The following KCNT2 variants were observed in gnomAD, a reference collection of about 807,000 sequenced individuals.
KCNT2 encodes potassium channel subfamily T member 2.
A neutral mutation model predicts 153.8 loss-of-function variants in KCNT2; 67 were observed. The ratio of observed to expected loss-of-function variants is 0.44; its 90% confidence interval spans 0.36 to 0.53. The LOEUF is 0.53. Among genes scored for constraint, KCNT2 ranks in the 20% least tolerant of loss-of-function variants. The probability of loss-of-function intolerance (pLI) is 0.00; values close to 1 mark genes in which losing one functional copy is unlikely to be tolerated. For synonymous variants in KCNT2, 500 were observed against 458.8 expected (o/e 1.09, Z -1.15); for missense variants, 975 against 1,354.8 (o/e 0.72, Z 4.40).
At chr1:196,310,495 G>T (rs1303240009) in intron 21 of KCNT2, among the ~76,000 whole-genome samples, 2 of 151,628 alleles carry the variant, frequency 1.3e-5, no homozygotes, top group South Asian at 2.1e-4. Flanking sequence ...CATTAAAAGT[G>T]GTTTTCACTA....
chr1:196,329,765 G>A (rs140575396), intron 18 of KCNT2, among the ~76,000 whole-genome samples: 7,739 of 147,126 alleles, frequency 0.053, 277 homozygotes, highest in Non-Finnish European at 0.071. Context: ...AATAAGGACC[G>A]CATATATATA....
At chr1:196,294,094 G>A (rs990658761) in intron 22 of KCNT2, among the ~76,000 whole-genome samples, 2 of 152,012 alleles carry the variant, frequency 1.3e-5, no homozygotes, top group Admixed American at 1.3e-4. Flanking sequence ...AACACGTATA[G>A]GAAAAGCTGA....
intron 8 of KCNT2, among the ~76,000 whole-genome samples, chr1:196,437,764 G>A (rs1674856147): frequency 6.6e-6 from 1 of 150,820 alleles, no homozygotes; most frequent in South Asian, 2.1e-4. Context: ...ATTTTGTAAT[G>A]GAAAAAAGCT....
chr1:196,433,443 G>T (rs1325975050), intron 8 of KCNT2, among the ~76,000 whole-genome samples: 2 of 152,056 alleles, frequency 1.3e-5, no homozygotes, highest in African/African-American at 4.8e-5. Flanking sequence ...CAAATTAGTG[G>T]TTGCCTGGGA....
chr1:196,282,000 C>G (rs756594139), intron 24 of KCNT2, among the ~76,000 whole-genome samples: 36 of 152,042 alleles, frequency 2.4e-4, no homozygotes, highest in Non-Finnish European at 4.4e-4. Context: ...CCACCCGCCT[C>G]AGCCTCCCAA....
At chr1:196,278,148 T>C (rs950150395) in intron 25 of KCNT2, among the ~76,000 whole-genome samples, 1 of 152,158 alleles carries the variant, frequency 6.6e-6, no homozygotes, top group African/African-American at 2.4e-5. Context: ...CCATAATTAC[T>C]ATATAGATCA....
chr1:196,394,647 T>C (rs1002112657), intron 13 of KCNT2, among the ~76,000 whole-genome samples: 1 of 151,564 alleles, frequency 6.6e-6, no homozygotes, highest in Non-Finnish European at 1.5e-5. Context: ...GTTTTAGTTT[T>C]GCAAATTATA....
chr1:196,530,516 G>A (rs1208635959), intron 1 of KCNT2, among the ~76,000 whole-genome samples: 3 of 151,726 alleles, frequency 2.0e-5, no homozygotes, highest in Admixed American at 2.0e-4. Context: ...CAAAAAATAG[G>A]TTACCAAAAA....
At chr1:196,588,271 G>GA (rs67282727) in intron 1 of KCNT2, among the ~76,000 whole-genome samples, 116,473 of 150,028 alleles carry the variant, frequency 0.78, 48,602 homozygotes, top group East Asian at 0.96. Context: ...AAATAGATGG[G>GA]AAAAAAAAAC....
At chr1:196,365,732 C>T (rs1445847023) in intron 14 of KCNT2, among the ~76,000 whole-genome samples, 1 of 152,158 alleles carries the variant, frequency 6.6e-6, no homozygotes, top group African/African-American at 2.4e-5. Context: ...AGGCATGGGA[C>T]TTTTTCTTCT....
intron 1 of KCNT2, among the ~76,000 whole-genome samples, chr1:196,539,412 A>G (rs1656038626): frequency 6.6e-6 from 1 of 152,166 alleles, no homozygotes; most frequent in South Asian, 2.1e-4. Context: ...ATGATGTTTG[A>G]GTATAGATTC....
chr1:196,289,143 A>G (rs1030421485), intron 22 of KCNT2, among the ~76,000 whole-genome samples: 1 of 152,008 alleles, frequency 6.6e-6, no homozygotes, highest in Non-Finnish European at 1.5e-5. Context: ...TACCTCAAGA[A>G]CTTTGTATTT....
At chr1:196,344,861 C>G (rs1489247382) in intron 14 of KCNT2, among the ~76,000 whole-genome samples, 1 of 151,834 alleles carries the variant, frequency 6.6e-6, no homozygotes, top group African/African-American at 2.4e-5. Context: ...TTTAGGATGT[C>G]ATTTCGTTGG....
At chr1:196,316,546 T>C (rs968817261) in intron 20 of KCNT2, among the ~76,000 whole-genome samples, 2 of 151,804 alleles carry the variant, frequency 1.3e-5, no homozygotes, top group East Asian at 1.9e-4. Context: ...CTATGTGCTA[T>C]AGATTGGTTC....
intron 22 of KCNT2, among the ~76,000 whole-genome samples, chr1:196,287,215 G>T (rs1659749833): frequency 6.6e-6 from 1 of 152,020 alleles, no homozygotes; most frequent in East Asian, 1.9e-4. Flanking sequence ...TGTGAAGAGT[G>T]CTTAACTTGA....
At chr1:196,598,697 T>C (rs988187233) in intron 1 of KCNT2, among the ~76,000 whole-genome samples, 1 of 152,222 alleles carries the variant, frequency 6.6e-6, no homozygotes, top group African/African-American at 2.4e-5. Context: ...AGATTCTAGT[T>C]ACCTCTTACA....
chr1:196,500,825 C>T (rs886805914), intron 1 of KCNT2, among the ~76,000 whole-genome samples: 1 of 152,114 alleles, frequency 6.6e-6, no homozygotes, highest in African/African-American at 2.4e-5. Context: ...TATCCAGAAT[C>T]TACAATGAAC....
At chr1:196,501,068 T>C (rs991675500) in intron 1 of KCNT2, among the ~76,000 whole-genome samples, 1 of 152,290 alleles carries the variant, frequency 6.6e-6, no homozygotes, top group African/African-American at 2.4e-5. Context: ...TTGGAAAGTT[T>C]GCAGAGAAAA....
At chr1:196,456,357 T>C (rs1676674286) in intron 8 of KCNT2, among the ~76,000 whole-genome samples, 1 of 152,040 alleles carries the variant, frequency 6.6e-6, no homozygotes, top group Non-Finnish European at 1.5e-5. Flanking sequence ...TTTATTGCAT[T>C]TGTAATGATT....
Sources: gnomAD v4.1 joint callset for allele counts (sites outside exome capture counted in the v4.1 genomes callset) on GRCh38, gnomAD v4.1.1 for gene constraint, MANE v1.5 for transcripts, NCBI Gene and HGNC (gene_info 2026-07-23, HGNC 2026-07-21) for gene names.